The following STK35 variants were observed in gnomAD, a reference collection of about 807,000 sequenced individuals.
STK35 encodes serine/threonine kinase 35.
STK35 carries 17 observed loss-of-function variants against 37.3 expected under a neutral mutation model. That is an observed-to-expected ratio of 0.46 (90% CI 0.31 to 0.68). STK35 has a LOEUF of 0.68. Among genes scored for constraint, STK35 ranks in the 30% least tolerant of loss-of-function variants. The pLI is 0.05. For synonymous variants in STK35, 385 were observed against 319.1 expected, an observed-to-expected ratio of 1.21 and a Z score of -2.20; for missense variants, 595 against 746.7, an observed-to-expected ratio of 0.80 and a Z score of 2.37.
chr20:2,102,929 G>A lies in STK35; in HGVS notation c.456G>A (p.Arg152=). 1.3e-6 allele frequency: 2 copies of A among 1,538,966 alleles called. No individual in the cohort carries two copies. The highest frequency in any genetic ancestry group is 1.7e-6 in the Non-Finnish European group (2 of 1,151,318). ...GTACACAAAGCCCGGAGCGGAAAAG[G>A]CGAAGCCCAGTGCCGCGGGCGCCCA... The part of the protein sequence containing the change: ...RRGTQSPERK[R]RSPVPRAPST... Residue 152 remains arginine (R), a synonymous_variant, in exon 2 of 4, where the codon AGG becomes AGA. Transcript: ENST00000381482.
rs1284194405 is a variant in STK35 at position 2,144,182 on chromosome 20, A to G, written c.*436A>G. 1.4e-5 allele frequency: 4 copies of G among 286,146 alleles called. No individual in the cohort carries two copies. Among genetic ancestry groups the G allele is most frequent in the South Asian group, 5.7e-5 (2 of 34,976 alleles). 17.7% of individuals were successfully genotyped at this position (286,146 alleles called of 1,614,324 possible). ...CCTTCTTTATACTTTTCTCAGTTCT[A>G]CTTATGACACCTCACTTCCCTAGAG... On this transcript the variant is annotated 3_prime_UTR_variant, in exon 4 of 4. Transcript: ENST00000381482.
intron 2 of STK35, among the ~76,000 whole-genome samples, chr20:2,110,991 T>C (rs1985606557): frequency 6.6e-6 from 1 of 152,236 alleles, no homozygotes; most frequent in South Asian, 2.1e-4. Flanking sequence ...GTAATTATTA[T>C]CTGAATAGAT....
At position 2,117,232 on chromosome 20, in the gene STK35, G is replaced by A. The variant is rs200810305; in HGVS notation, c.1459G>A (p.Glu487Lys). 3 of 1,614,010 alleles carry A rather than the reference G, an allele frequency of 1.9e-6. No individual in the cohort carries two copies. The African/African-American group carries it at 4.0e-5, about 22-fold the overall frequency. Residue 487 changes from glutamate to lysine, a missense_variant, in exon 3 of 4, where the codon GAG becomes AAG. Physicochemically the swap from Glu to Lys is moderately conservative, Grantham distance 56. This residue lies in a region of STK35 where 109 missense variants were observed against 280.3 expected (regional missense o/e 0.39). Transcript: ENST00000381482. The surrounding 1 kb of genome is among the most constrained non-coding windows in gnomAD (Gnocchi z 4.4). The part of the protein sequence containing the change: ...GEALLENPKM[E>K]LHIPQKRRTS... ...GGCGCTGCTAGAAAACCCAAAGATG[G>A]AGTTGCACATCCCCCAAAAACGCAG...
chr20:2,112,250 C>T (rs1452476142), intron 2 of STK35, among the ~76,000 whole-genome samples: 2 of 152,176 alleles, frequency 1.3e-5, no homozygotes, highest in Non-Finnish European at 2.9e-5. Context: ...AGCCTGCTGG[C>T]CTCACGTTTT....
rs373961702 is a variant in STK35 at position 2,102,041 on chromosome 20, G to A, written c.160G>A (p.Ala54Thr). The change falls in exon 1 of 4, where the codon GCT becomes ACT. Residue 54 changes from alanine (A) to threonine (T), a missense_variant. Physicochemically the swap from Ala to Thr is moderately conservative, Grantham distance 58 (BLOSUM62 0). Coordinates refer to ENST00000381482, the MANE Select transcript of STK35 (RefSeq NM_080836.4). The stretch of plus-strand genomic sequence containing the variant: ...GAGCGCCGCGGCAGCAGAAGGATCC[G>A]CTACACGCCGGGCTCGGGCCGCCAC... Reference protein sequence around the residue: ...PASAAAAEGSATRRARAATSR... With the variant: ...PASAAAAEGSTTRRARAATSR... 1.4e-5 allele frequency: 22 copies of A among 1,525,390 alleles called. No homozygotes were observed. Among genetic ancestry groups the A allele is most frequent in the East Asian group, 2.5e-5 (1 of 40,368 alleles). The allele number at this position is 1,525,390 out of a possible 1,614,324, so 94.5% of individuals were successfully genotyped here.
intron 3 of STK35, among the ~76,000 whole-genome samples, chr20:2,131,471 GTT>G (rs1048460959): frequency 2.9e-5 from 4 of 140,286 alleles, no homozygotes; most frequent in Non-Finnish European, 4.6e-5. Context: ...TTAAAGTTTT[GTT>G]TTTTTTTTTA....
intron 3 of STK35, among the ~76,000 whole-genome samples, chr20:2,129,283 T>C (rs1985958433): frequency 6.6e-6 from 1 of 152,134 alleles, no homozygotes; most frequent in Admixed American, 6.5e-5. Flanking sequence ...TCTCTGAGCC[T>C]CCGAGTCTGC....
intron 3 of STK35, among the ~76,000 whole-genome samples, chr20:2,122,652 A>G (rs894558121): frequency 1.3e-5 from 2 of 152,150 alleles, no homozygotes; most frequent in African/African-American, 2.4e-5. Context: ...AGTTGATCCT[A>G]TATATCTTAT....
chr20:2,103,302 C>A lies in STK35; in HGVS notation c.829C>A (p.Arg277Ser). 2 of 1,612,900 alleles carry A rather than the reference C, an allele frequency of 1.2e-6. No homozygotes were observed. Among genetic ancestry groups the A allele is most frequent in the Non-Finnish European group, 1.7e-6 (2 of 1,179,750 alleles). Residue 277 changes from arginine to serine, a missense_variant, in exon 2 of 4, where the codon CGC becomes AGC. Around this residue, in one of 3 missense-constraint regions of STK35, gnomAD observed 97 missense variants for 146.4 expected, o/e 0.66. Transcript: ENST00000381482. Reference sequence around the variant, plus strand: ...CCTGCAGCGCAATGGGTTAGCCCAGCGCATGAGTCACGGCAACAAGAGCTC... The same window carrying A: ...CCTGCAGCGCAATGGGTTAGCCCAGAGCATGAGTCACGGCAACAAGAGCTC... ...CVLQRNGLAQ[R>S]MSHGNKSSQL...
chr20:2,102,035 G>C lies in STK35; in HGVS notation c.154G>C (p.Gly52Arg), dbSNP rs1985397623. ...CCCAGCGAGCGCCGCGGCAGCAGAA[G>C]GATCCGCTACACGCCGGGCTCGGGC... ...ASPASAAAAE[G>R]SATRRARAAT... Residue 52 changes from glycine (G) to arginine (R), a missense_variant, in exon 1 of 4, where the codon GGA (glycine) becomes CGA (arginine). Physicochemically the swap from Gly to Arg is moderately radical, Grantham distance 125. Coordinates refer to ENST00000381482, the MANE Select transcript of STK35 (RefSeq NM_080836.4). 2.6e-6 allele frequency: 4 copies of C among 1,527,122 alleles called. No homozygotes were observed. Among genetic ancestry groups the C allele is most frequent in the Admixed American group, 2.0e-5 (1 of 50,618 alleles). The allele number at this position is 1,527,122 out of a possible 1,614,324, so 94.6% of individuals were successfully genotyped here.
At chr20:2,128,737 T>C (rs1985947917) in intron 3 of STK35, among the ~76,000 whole-genome samples, 1 of 152,002 alleles carries the variant, frequency 6.6e-6, no homozygotes, top group African/African-American at 2.4e-5. Flanking sequence ...GTCTGAATGG[T>C]AGGGAGGTCA....
chr20:2,106,753 TTTGA>T (rs1275343014), intron 2 of STK35, among the ~76,000 whole-genome samples: 1 of 152,208 alleles, frequency 6.6e-6, no homozygotes, highest in Admixed American at 6.5e-5. Context: ...CCCCATTTTG[TTTGA>T]TAGCCTTAAA....
intron 2 of STK35, among the ~76,000 whole-genome samples, chr20:2,106,039 T>A (rs563655258): frequency 6.6e-6 from 1 of 152,222 alleles, no homozygotes. Context: ...TTGTTTCTGC[T>A]TATGAAAATG....
chr20:2,118,673 A>G (rs1985764024), intron 3 of STK35, among the ~76,000 whole-genome samples: 1 of 152,266 alleles, frequency 6.6e-6, no homozygotes, highest in African/African-American at 2.4e-5. Flanking sequence ...AATGGCCTAT[A>G]TGACGGTGGT....
Position 2,147,122 on chromosome 20 carries a change from C to A in STK35, c.*3376C>A, listed in dbSNP as rs759018942. On this transcript the variant is annotated 3_prime_UTR_variant, in exon 4 of 4. Transcript: ENST00000381482. ...GTGGAGATTTGACTCTGGACAGGGC[C>A]TGGCCTCCTTAGTGGCACTGCCGGG... is the stretch of plus-strand genomic sequence containing the variant. The A allele has an allele frequency of 7.2e-5, 11 of 152,826 alleles. No homozygotes were observed. 9.5% of individuals were successfully genotyped at this position (152,826 alleles called of 1,614,324 possible). A position where few individuals can be genotyped will look rare whatever the true frequency, so the allele number is the denominator to read the frequency against.
chr20:2,104,580 C>A (rs1985478371), intron 2 of STK35, among the ~76,000 whole-genome samples: 1 of 152,142 alleles, frequency 6.6e-6, no homozygotes, highest in Non-Finnish European at 1.5e-5. Context: ...TCTCTGCACC[C>A]TGAGGATGAA....
chr20:2,137,139 A>G (rs750235839), intron 3 of STK35, among the ~76,000 whole-genome samples: 4 of 152,000 alleles, frequency 2.6e-5, no homozygotes, highest in Non-Finnish European at 4.4e-5. Context: ...GTTTTTTTGG[A>G]TGTGATTTGC....
At position 2,103,058 on chromosome 20, in the gene STK35, C is replaced by T. The variant is rs767378575; in HGVS notation, c.585C>T (p.Gly195=). 66 of 1,563,920 alleles carry T rather than the reference C, an allele frequency of 4.2e-5. No homozygotes were observed. Among genetic ancestry groups the T allele is most frequent in the Non-Finnish European group, 5.2e-5 (61 of 1,164,030 alleles). Residue 195 remains glycine, a synonymous_variant, in exon 2 of 4, where the codon GGC becomes GGT. Coordinates refer to ENST00000381482, the MANE Select transcript of STK35 (RefSeq NM_080836.4). ...CGCGGCGACGGCCTGAGGGCGGTGG[C>T]GGGTCCGCGCGGCCGCGTTACAGCC... The part of the protein sequence containing the change: ...FLARRRPEGG[G]GSARPRYSLL...
Position 2,101,931 on chromosome 20 carries a change from CTTATGTAAAGAGG to C in STK35, c.61_73del (p.Arg21GlyfsTer14). 3 of 1,485,462 alleles carry C rather than the reference CTTATGTAAAGAGG, an allele frequency of 2.0e-6. No individual in the cohort carries two copies. The highest frequency in any genetic ancestry group is 1.2e-5 in the South Asian group (1 of 80,644). The allele number at this position is 1,485,462 out of a possible 1,614,324, so 92.0% of individuals were successfully genotyped here. Reference sequence around the variant, plus strand: ...GCCCGGGCGCCGGCGGGAGGTGCAGCTTATGTAAAGAGGTTATGTAAAGGGCTCAGCTGGCGCG... The same window carrying C: ...GCCCGGGCGCCGGCGGGAGGTGCAGCTTATGTAAAGGGCTCAGCTGGCGCG... On this transcript the variant is annotated frameshift_variant, in exon 1 of 4. Coordinates refer to ENST00000381482, the MANE Select transcript of STK35 (RefSeq NM_080836.4). LOFTEE classifies it high-confidence loss of function.
Sources: gnomAD v4.1 joint callset for allele counts (sites outside exome capture counted in the v4.1 genomes callset) on GRCh38, gnomAD v4.1.1 for gene constraint, gnomAD v4.1.1 regional missense constraint, Gnocchi (gnomAD v3.1) non-coding constraint, MANE v1.5 for transcripts, NCBI Gene and HGNC (gene_info 2026-07-23, HGNC 2026-07-21) for gene names.